PCDH15: variants seen among roughly 807,000 people sequenced by gnomAD.
PCDH15 encodes the protein protocadherin related 15.
PCDH15 carries 129 observed loss-of-function variants against 178.5 expected under a neutral mutation model. That is an observed-to-expected ratio of 0.72 (90% CI 0.63 to 0.84). PCDH15 has a LOEUF of 0.84. Ranked by LOEUF, PCDH15 falls within the 40% of genes least tolerant of loss-of-function variation. The pLI is 0.00. For missense variants in PCDH15, 2,230 were observed against 2,099.9 expected, an observed-to-expected ratio of 1.06 and a Z score of -1.21; for synonymous variants, 800 against 732.0, an observed-to-expected ratio of 1.09 and a Z score of -1.50.
chr10:54,559,850 T>TAAAAAAAAAA (rs80250003), intron 2 of PCDH15, among the ~76,000 whole-genome samples: 47 of 72,994 alleles, frequency 6.4e-4, no homozygotes, highest in African/African-American at 1.0e-3. Flanking sequence ...TGTCTTATAG[T>TAAAAAAAAAA]AAAAAAAAAA....
intron 28 of PCDH15, among the ~76,000 whole-genome samples, chr10:53,843,004 T>C (rs1274056291): frequency 6.6e-6 from 1 of 152,178 alleles, no homozygotes; most frequent in Non-Finnish European, 1.5e-5. Context: ...TCTTTTCTAT[T>C]TTCAGTGCAA....
chr10:54,908,521 C>T (rs1227159680), intron 2 of PCDH15, among the ~76,000 whole-genome samples: 3 of 152,116 alleles, frequency 2.0e-5, no homozygotes, highest in Admixed American at 2.0e-4. Context: ...TCCTTTTTGT[C>T]ACCTGCAACA....
intron 20 of PCDH15, among the ~76,000 whole-genome samples, chr10:54,012,382 C>G (rs1017994879): frequency 1.3e-5 from 2 of 152,086 alleles, no homozygotes; most frequent in Non-Finnish European, 2.9e-5. Flanking sequence ...AGGATATTGT[C>G]CATGAAAACT....
chr10:53,893,261 A>T (rs2081708436), intron 26 of PCDH15, among the ~76,000 whole-genome samples: 2 of 152,324 alleles, frequency 1.3e-5, no homozygotes, highest in Non-Finnish European at 1.5e-5. Flanking sequence ...ACATTCATAA[A>T]GCTGTCATCA....
intron 2 of PCDH15, among the ~76,000 whole-genome samples, chr10:54,577,961 C>T (rs997567026): frequency 6.6e-6 from 1 of 151,920 alleles, no homozygotes; most frequent in Non-Finnish European, 1.5e-5. Context: ...AAGACCATGT[C>T]GAATTAAGTT....
intron 2 of PCDH15, among the ~76,000 whole-genome samples, chr10:55,327,093 C>A (rs1442063931): frequency 1.3e-5 from 2 of 152,090 alleles, no homozygotes; most frequent in East Asian, 3.9e-4. Context: ...GGAGGTGAGG[C>A]CTTTGAGATA....
intron 1 of PCDH15, among the ~76,000 whole-genome samples, chr10:55,185,826 A>G (rs1010599617): frequency 2.0e-5 from 3 of 151,784 alleles, no homozygotes; most frequent in Non-Finnish European, 4.4e-5. Context: ...TGTCATAAAG[A>G]GGCCCTCTGC....
chr10:55,150,917 G>T (rs892067854), intron 2 of PCDH15, among the ~76,000 whole-genome samples: 1 of 152,104 alleles, frequency 6.6e-6, no homozygotes, highest in Non-Finnish European at 1.5e-5. Context: ...GCAACGCATG[G>T]CTGAATAGTA....
intron 1 of PCDH15, among the ~76,000 whole-genome samples, chr10:55,216,373 T>C (rs1283776819): frequency 6.6e-6 from 1 of 151,966 alleles, no homozygotes; most frequent in Non-Finnish European, 1.5e-5. Flanking sequence ...TATCTCTTTG[T>C]TAGAAGTCAA....
intron 28 of PCDH15, among the ~76,000 whole-genome samples, chr10:53,852,241 T>C (rs879345043): frequency 1.3e-5 from 2 of 152,052 alleles, no homozygotes; most frequent in Non-Finnish European, 2.9e-5. Flanking sequence ...TACGTGTCCC[T>C]ACTGTTATTC....
chr10:55,321,635 C>A (rs1843904204), upstream of PCDH15, among the ~76,000 whole-genome samples: 1 of 152,082 alleles, frequency 6.6e-6, no homozygotes, highest in Admixed American at 6.5e-5. Context: ...AAAGGGAACC[C>A]CATCAGGCTA....
intron 2 of PCDH15, among the ~76,000 whole-genome samples, chr10:55,325,485 T>C (rs1437101755): frequency 2.0e-5 from 3 of 152,046 alleles, no homozygotes; most frequent in African/African-American, 7.2e-5. Context: ...TCCCTATTCA[T>C]TAGATAGCGC....
intron 2 of PCDH15, among the ~76,000 whole-genome samples, chr10:54,974,530 A>G (rs1839018038): frequency 6.6e-6 from 1 of 151,804 alleles, no homozygotes; most frequent in Non-Finnish European, 1.5e-5. Context: ...ATATACATAT[A>G]TACTTGGAAA....
At chr10:54,724,903 TATATAG>T (rs71014408) in intron 1 of PCDH15, among the ~76,000 whole-genome samples, 96,917 of 146,272 alleles carry the variant, frequency 0.66, 32,009 homozygotes, top group Middle Eastern at 0.77. Context: ...AGTACATATA[TATATAG>T]ATATAGATAT....
chr10:54,555,659 C>T (rs191081140), intron 2 of PCDH15, among the ~76,000 whole-genome samples: 11 of 149,236 alleles, frequency 7.4e-5, no homozygotes, highest in Non-Finnish European at 1.2e-4. Flanking sequence ...ATAGCTTGAA[C>T]CCAGGAGGCA....
intron 5 of PCDH15, among the ~76,000 whole-genome samples, chr10:54,365,607 G>C (rs115251440): frequency 2.0e-5 from 3 of 151,938 alleles, no homozygotes; most frequent in Admixed American, 6.6e-5. Flanking sequence ...AATAAATTTT[G>C]GGGGGTGAGA....
At chr10:54,351,919 A>C (rs1944244791) in intron 5 of PCDH15, among the ~76,000 whole-genome samples, 1 of 152,208 alleles carries the variant, frequency 6.6e-6, no homozygotes, top group African/African-American at 2.4e-5. Context: ...TGCAAGTAGA[A>C]TAACCTTATA....
At chr10:54,359,006 T>A (rs933939784) in intron 5 of PCDH15, among the ~76,000 whole-genome samples, 2 of 107,022 alleles carry the variant, frequency 1.9e-5, no homozygotes, top group African/African-American at 7.4e-5. Context: ...CTCTGGGGAC[T>A]GTTGTGGGGT....
intron 2 of PCDH15, among the ~76,000 whole-genome samples, chr10:54,935,494 AG>A (rs1837881018): frequency 1.3e-5 from 2 of 152,130 alleles, no homozygotes; most frequent in African/African-American, 4.8e-5. Flanking sequence ...CAAATGCAAA[AG>A]CAATTACTAA....
Sources: gnomAD v4.1 joint callset for allele counts (sites outside exome capture counted in the v4.1 genomes callset) on GRCh38, gnomAD v4.1.1 for gene constraint, MANE v1.5 for transcripts, NCBI Gene and HGNC (gene_info 2026-07-23, HGNC 2026-07-21) for gene names.